Variants in CDK5RAP2 observed in about 807,000 individuals in gnomAD.
CDK5RAP2 encodes the protein CDK5 regulatory subunit associated protein 2, also known as CDK5 regulatory subunit-associated protein 2.
In CDK5RAP2, 147 loss-of-function variants were observed where a neutral mutation model predicts 232.9. The observed-to-expected ratio is 0.63, with a 90% CI of 0.55 to 0.72. The LOEUF (loss-of-function observed/expected upper bound fraction) is 0.72, where lower values mean the gene tolerates loss of function less well. Among genes scored for constraint, CDK5RAP2 ranks in the 30% least tolerant of loss-of-function variants. CDK5RAP2 has a pLI of 0.00. For missense variants in CDK5RAP2, 2,195 were observed against 2,231.5 expected, an observed-to-expected ratio of 0.98 and a Z score of 0.33; for synonymous variants, 833 against 833.7, an observed-to-expected ratio of 1.00 and a Z score of 0.01.
At chr9:120,579,065 A>G (rs2043145638) in intron 1 of CDK5RAP2, among the ~76,000 whole-genome samples, 2 of 152,144 alleles carry the variant, frequency 1.3e-5, no homozygotes, top group Non-Finnish European at 2.9e-5. Context: ...CCAGCCGTGG[A>G]GCAGAGTTGC....
intron 3 of CDK5RAP2, among the ~76,000 whole-genome samples, chr9:120,564,909 G>A (rs1342263217): frequency 5.3e-5 from 8 of 152,142 alleles, no homozygotes; most frequent in African/African-American, 1.9e-4. Flanking sequence ...TGCTGCCTCC[G>A]CAAGGCCTCC....
At position 120,522,930 on chromosome 9, in the gene CDK5RAP2, G is replaced by T. The variant is rs557038863; in HGVS notation, c.1092+2056C>A. On this transcript the variant is annotated intron_variant, in intron 11 of 37. Transcript: ENST00000349780. ...CCTCACAGTGAGATAGCCGATATAG[G>T]TGTATTGTGTGCATTTACTCACACA... Among the ~76,000 whole-genome samples the T allele has an allele frequency of 1.7e-4, 26 of 152,324 alleles. 1 individual carries two copies. In the South Asian group the frequency reaches 4.6e-3, roughly 27 times the overall value.
chr9:120,522,219 G>C (rs1171055683), intron 11 of CDK5RAP2, among the ~76,000 whole-genome samples: 4 of 152,206 alleles, frequency 2.6e-5, no homozygotes, highest in African/African-American at 9.7e-5. Context: ...TCAAAGGACT[G>C]CACTGATGTC....
At chr9:120,500,009 G>GTTTTTTGT (rs1360260421) in intron 12 of CDK5RAP2, among the ~76,000 whole-genome samples, 2 of 152,174 alleles carry the variant, frequency 1.3e-5, no homozygotes, top group Non-Finnish European at 2.9e-5. Flanking sequence ...GTCAAGAAAA[G>GTTTTTTGT]TTTTTTGTTT....
chr9:120,440,311 G>C, intron 23 of CDK5RAP2: 1 of 329,434 alleles, frequency 3.0e-6, no homozygotes. Context: ...CCATGATCTA[G>C]TTCCAGGCAA....
At chr9:120,551,452 A>C (rs896800667) in intron 3 of CDK5RAP2, among the ~76,000 whole-genome samples, 4 of 152,222 alleles carry the variant, frequency 2.6e-5, no homozygotes, top group Admixed American at 6.5e-5. Context: ...GACCAAAAAA[A>C]TTCATCTCTT....
intron 18 of CDK5RAP2, among the ~76,000 whole-genome samples, chr9:120,461,348 C>T (rs1305721001): frequency 1.3e-5 from 2 of 152,174 alleles, no homozygotes; most frequent in Non-Finnish European, 2.9e-5. Flanking sequence ...AGTGTAAATC[C>T]CAAAGCTTCT....
intron 12 of CDK5RAP2, among the ~76,000 whole-genome samples, chr9:120,493,804 T>C (rs2039021057): frequency 6.6e-6 from 1 of 152,242 alleles, no homozygotes; most frequent in Admixed American, 6.5e-5. Flanking sequence ...ACCTGCTTAC[T>C]TATTAAACAA....
chr9:120,496,369 G>A (rs1267858587), intron 12 of CDK5RAP2, among the ~76,000 whole-genome samples: 13 of 144,450 alleles, frequency 9.0e-5, no homozygotes, highest in Admixed American at 1.3e-4. Context: ...CGCCCCGTCC[G>A]GGAGGGAGGT....
chr9:120,536,484 C>T lies in CDK5RAP2; in HGVS notation c.550G>A (p.Gly184Arg), dbSNP rs202059795. ...AQAELEKAFA[G>R]TETEKALRLR... is the part of the protein sequence containing the mutation. Reference sequence around the variant, plus strand: ...CGAAGAGCCTTCTCCGTCTCTGTCCCTGCAAAGGCCTTTTCCAGTTCTGCC... The same window carrying T: ...CGAAGAGCCTTCTCCGTCTCTGTCCTTGCAAAGGCCTTTTCCAGTTCTGCC... Residue 184 changes from glycine (G) to arginine (R), a missense_variant, in exon 7 of 38, where the codon GGG (glycine) becomes AGG (arginine). Transcript: ENST00000349780. 15 of 1,614,170 alleles carry T rather than the reference C, an allele frequency of 9.3e-6. No homozygotes were observed. In the African/African-American group the frequency reaches 1.3e-4, roughly 14 times the overall value.
At chr9:120,530,189 T>TC in intron 7 of CDK5RAP2, 49 bp from the exon 8 acceptor site, 1 of 1,459,732 alleles carries the variant, frequency 6.9e-7, no homozygotes, top group Non-Finnish European at 9.5e-7. Flanking sequence ...TTCTCTTAGC[T>TC]CAGTGGAGCT....
At chr9:120,463,326 G>A (rs901742217) in intron 18 of CDK5RAP2, among the ~76,000 whole-genome samples, 4 of 152,080 alleles carry the variant, frequency 2.6e-5, no homozygotes, top group Admixed American at 2.0e-4. Context: ...AGCTGAGATC[G>A]CGCCACTGCA....
At chr9:120,438,035 C>T (rs566747670) in intron 24 of CDK5RAP2, among the ~76,000 whole-genome samples, 1 of 152,322 alleles carries the variant, frequency 6.6e-6, no homozygotes, top group East Asian at 1.9e-4. Flanking sequence ...TATATGTTAT[C>T]TGATCCTCTC....
chr9:120,488,961 C>T (rs746127561), intron 13 of CDK5RAP2, among the ~76,000 whole-genome samples: 10 of 152,194 alleles, frequency 6.6e-5, no homozygotes, highest in Non-Finnish European at 1.2e-4. Context: ...CTCTCTCTTT[C>T]GGTTATTCTC....
At chr9:120,494,090 T>TAAAAAA (rs532352159) in intron 12 of CDK5RAP2, among the ~76,000 whole-genome samples, 2 of 119,264 alleles carry the variant, frequency 1.7e-5, no homozygotes. Flanking sequence ...AGACTCAGTT[T>TAAAAAA]AAAAAAAAAA....
intron 11 of CDK5RAP2, among the ~76,000 whole-genome samples, chr9:120,518,987 C>T (rs2040493733): frequency 6.6e-6 from 1 of 151,888 alleles, no homozygotes; most frequent in South Asian, 2.1e-4. Flanking sequence ...CTAGCCTGGC[C>T]AACACGGTGA....
rs2037034146 is a variant in CDK5RAP2, at chr9:120,460,672, A to G, written c.2107-5T>C. 6.2e-7 allele frequency: 1 copy of G among 1,613,936 alleles called. No homozygotes were observed. Among genetic ancestry groups the G allele is most frequent in the Non-Finnish European group, 8.5e-7 (1 of 1,179,978 alleles). Reference sequence around the variant, plus strand: ...GTCCTCCTTGCTAGCCAGAAGCTACATGGAGCATGGAATGGTGTGAAAATG... The same window carrying G: ...GTCCTCCTTGCTAGCCAGAAGCTACGTGGAGCATGGAATGGTGTGAAAATG... On this transcript the variant is annotated splice_region_variant and splice_polypyrimidine_tract_variant and intron_variant, in intron 18 of 37. Transcript: ENST00000349780.
chr9:120,466,911 T>C (rs755388632), intron 18 of CDK5RAP2, among the ~76,000 whole-genome samples: 4 of 152,204 alleles, frequency 2.6e-5, no homozygotes, highest in Admixed American at 6.5e-5. Context: ...ACCAGGAAGA[T>C]TCCAGTTTCA....
chr9:120,424,941 C>A (rs1051547872), intron 25 of CDK5RAP2, among the ~76,000 whole-genome samples: 7 of 152,112 alleles, frequency 4.6e-5, no homozygotes, highest in Non-Finnish European at 8.8e-5. Flanking sequence ...AAGTGATCCA[C>A]CTGCCTTGAC....
Sources: gnomAD v4.1 joint callset for allele counts (sites outside exome capture counted in the v4.1 genomes callset) on GRCh38, gnomAD v4.1.1 for gene constraint, MANE v1.5 for transcripts, NCBI Gene and HGNC (gene_info 2026-07-23, HGNC 2026-07-21) for gene names.